The following OCA2 variants were observed in gnomAD, a reference collection of about 807,000 sequenced individuals.
OCA2 encodes the protein OCA2 melanosomal transmembrane protein.
OCA2 carries 77 observed loss-of-function variants against 100.2 expected under a neutral mutation model. The ratio of observed to expected loss-of-function variants is 0.77; its 90% confidence interval spans 0.64 to 0.93. The LOEUF (loss-of-function observed/expected upper bound fraction) is 0.93, where lower values mean the gene tolerates loss of function less well. Ranked by LOEUF, OCA2 falls within the 40% of genes least tolerant of loss-of-function variation. The probability of loss-of-function intolerance (pLI) is 0.00; values close to 1 mark genes in which losing one functional copy is unlikely to be tolerated. For synonymous variants in OCA2, 432 were observed against 439.2 expected (o/e 0.98, Z 0.21); for missense variants, 1,062 against 1,089.1 (o/e 0.98, Z 0.35).
chr15:27,770,941 T>TC, intron 23 of OCA2, among the ~76,000 whole-genome samples: 3 of 142,788 alleles, frequency 2.1e-5, no homozygotes, highest in Non-Finnish European at 3.1e-5. Flanking sequence ...CTTTCTTCCT[T>TC]CCTTGCTTCC....
chr15:28,002,915 T>G (rs527236311), intron 9 of OCA2, among the ~76,000 whole-genome samples: 2 of 152,348 alleles, frequency 1.3e-5, no homozygotes, highest in East Asian at 3.9e-4. Context: ...CCACAAATAC[T>G]GAGCTGATTT....
At position 27,863,725 on chromosome 15, in the gene OCA2, T is replaced by A. The variant is rs1567035077; in HGVS notation, c.2244+7429A>T. Among the ~76,000 whole-genome samples the A allele has an allele frequency of 2.0e-5, 3 of 152,210 alleles. No individual in the cohort carries two copies. The South Asian group carries it at 6.2e-4, about 32-fold the overall frequency. On this transcript the variant is annotated intron_variant, in intron 21 of 23. Coordinates refer to ENST00000354638, the MANE Select transcript of OCA2 (RefSeq NM_000275.3). ...CGACTCTGTTTCTCTTTGCTTTTGT[T>A]CTGTACCTGCACATATGTCTCTCAC...
intron 2 of OCA2, among the ~76,000 whole-genome samples, chr15:28,054,888 G>C (rs113993805): frequency 0.092 from 14,028 of 152,226 alleles, 827 homozygotes; most frequent in African/African-American, 0.16. Flanking sequence ...CACGTGGTGG[G>C]AGGAGAGAGA....
chr15:28,086,240 TCAGGG>T (rs751604420), intron 1 of OCA2, among the ~76,000 whole-genome samples: 18 of 152,068 alleles, frequency 1.2e-4, no homozygotes, highest in Non-Finnish European at 1.8e-4. Flanking sequence ...AAATGGAGAG[TCAGGG>T]CATTCACTTC....
At chr15:27,966,479 A>G (rs1404909640) in intron 15 of OCA2, among the ~76,000 whole-genome samples, 12 of 152,136 alleles carry the variant, frequency 7.9e-5, no homozygotes. Flanking sequence ...CCCACATTTT[A>G]CCACAGTACA....
intron 18 of OCA2, among the ~76,000 whole-genome samples, chr15:27,945,482 T>A (rs2140534542): frequency 6.6e-6 from 1 of 152,278 alleles, no homozygotes; most frequent in Non-Finnish European, 1.5e-5. Flanking sequence ...GCACTGCAGA[T>A]GCCGGGGTGG....
chr15:27,927,946 C>T (rs1237930569), intron 18 of OCA2, among the ~76,000 whole-genome samples: 3 of 151,996 alleles, frequency 2.0e-5, no homozygotes, highest in Non-Finnish European at 4.4e-5. Context: ...TGTGCACCAC[C>T]ATGCCCAGCT....
In OCA2 at chr15:27,957,244, G is replaced by T. The variant is rs2040252576; in HGVS notation, c.1784+344C>A. On this transcript the variant is annotated intron_variant, in intron 16 of 23. Transcript: ENST00000354638. This position sits in a 1 kb window ranked among gnomAD's most constrained non-coding sequence, Gnocchi z 4.3. ...TTAGTCTTTGCATTAATGGTTTTTG[G>T]TTTTTGTCGTGCAACAATTACAATG... 2.0e-5 allele frequency among the ~76,000 whole-genome samples: 3 copies of T among 152,290 alleles called. No homozygotes were observed. The South Asian group carries it at 6.2e-4, about 32-fold the overall frequency.
the OCA2 span, among the ~76,000 whole-genome samples, chr15:27,749,858 T>C: frequency 6.6e-6 from 1 of 152,200 alleles, no homozygotes; most frequent in Non-Finnish European, 1.5e-5. Flanking sequence ...TGGAGAGACA[T>C]ATCATGTCCA....
intron 18 of OCA2, among the ~76,000 whole-genome samples, chr15:27,945,053 C>CT (rs1382412178): frequency 1.3e-5 from 2 of 152,296 alleles, no homozygotes; most frequent in Non-Finnish European, 2.9e-5. Context: ...AGGCCACTGC[C>CT]TGCATGTGTT....
At chr15:28,091,480 G>A (rs899621572) in intron 1 of OCA2, among the ~76,000 whole-genome samples, 21 of 152,150 alleles carry the variant, frequency 1.4e-4, no homozygotes, top group Admixed American at 1.2e-3. Context: ...ACTAAGTAGG[G>A]TTTGTTCCAG....
chr15:27,955,049 G>T (rs2040173151), intron 17 of OCA2, 109 bp downstream of exon 17: 5 of 853,924 alleles, frequency 5.9e-6, no homozygotes, highest in Non-Finnish European at 1.0e-5. Flanking sequence ...TATAACCACA[G>T]AAATAAAAAG....
intron 18 of OCA2, among the ~76,000 whole-genome samples, chr15:27,926,571 A>G (rs2039051269): frequency 6.6e-6 from 1 of 152,030 alleles, no homozygotes; most frequent in South Asian, 2.1e-4. Context: ...ATTGGCTTAA[A>G]TTTTCTATAA....
rs531471415 is a variant in OCA2 at position 27,771,255 on chromosome 15, G to GC, written c.2433-15784dup. ...CAGGTCCTCCTGCTCACAGCAAATC[G>GC]CCCCACTCTCCACCGCGGTCCCGCC... On this transcript the variant is annotated intron_variant, in intron 23 of 23. Coordinates refer to ENST00000354638, the MANE Select transcript of OCA2 (RefSeq NM_000275.3). Among the ~76,000 whole-genome samples the GC allele has an allele frequency of 3.5e-3, 532 of 151,680 alleles. 3 individuals carry two copies. Among genetic ancestry groups the GC allele is most frequent in the African/African-American group, 0.012 (501 of 41,316 alleles).
At chr15:27,788,885 T>G (rs954945375) in intron 23 of OCA2, among the ~76,000 whole-genome samples, 1 of 152,098 alleles carries the variant, frequency 6.6e-6, no homozygotes, top group Non-Finnish European at 1.5e-5. Context: ...CAATTTGTTT[T>G]TAGTAATTGC....
At chr15:27,973,630 GTTATTT>G (rs1192365556) in intron 14 of OCA2, among the ~76,000 whole-genome samples, 2 of 152,100 alleles carry the variant, frequency 1.3e-5, no homozygotes. Context: ...CTCTAGATTT[GTTATTT>G]TTATTTAGGA....
chr15:28,016,621 A>C (rs990696198), intron 7 of OCA2, among the ~76,000 whole-genome samples: 1 of 151,872 alleles, frequency 6.6e-6, no homozygotes, highest in Non-Finnish European at 1.5e-5. Flanking sequence ...CTGCACAAAA[A>C]AGTTTTAAAA....
Position 27,957,791 on chromosome 15 carries a change from AC to A in OCA2, c.1637-57del. 1 of 1,598,208 alleles carries A rather than the reference AC, an allele frequency of 6.3e-7. No homozygotes were observed. The highest frequency in any genetic ancestry group is 8.6e-7 in the Non-Finnish European group (1 of 1,168,984). On this transcript the variant is annotated intron_variant, in intron 15 of 23. Transcript: ENST00000354638. This position sits in a 1 kb window ranked among gnomAD's most constrained non-coding sequence, Gnocchi z 4.3. ...TCCCATGACCTCAGATATCAGCAAC[AC>A]CCTCCTCTGTTCCCCACACAGTCGA...
intron 2 of OCA2, 68 bp downstream of exon 2, chr15:28,081,580 A>G (rs2044624335): frequency 6.8e-7 from 1 of 1,461,152 alleles, no homozygotes; most frequent in East Asian, 2.3e-5. Context: ...AACGTGGGGG[A>G]ACGATGCTCA....
Sources: allele counts gnomAD v4.1 joint callset (sites outside exome capture counted in the v4.1 genomes callset), GRCh38; gene constraint gnomAD v4.1.1; non-coding constraint Gnocchi (gnomAD v3.1); transcripts MANE v1.5; gene names NCBI Gene and HGNC (gene_info 2026-07-23, HGNC 2026-07-21).